The following GRIA4 variants were observed in gnomAD, a reference collection of about 807,000 sequenced individuals.
The protein encoded by GRIA4 is glutamate ionotropic receptor AMPA type subunit 4, also known as glutamate receptor 4.
In GRIA4, 34 loss-of-function variants were observed where a neutral mutation model predicts 104.0. The ratio of observed to expected loss-of-function variants is 0.33; its 90% confidence interval spans 0.25 to 0.44. GRIA4 has a LOEUF of 0.44. Ranked by LOEUF, GRIA4 falls within the 20% of genes least tolerant of loss-of-function variation. The pLI is 1.00. For missense variants in GRIA4, 750 were observed against 1,096.5 expected (o/e 0.68, Z 4.46); for synonymous variants, 386 against 381.9 (o/e 1.01, Z -0.13).
chr11:105,707,473 T>C (rs954840899), intron 3 of GRIA4: 1 of 152,154 alleles, frequency 6.6e-6, no homozygotes, highest in Non-Finnish European at 1.5e-5. Context: ...TTAAAATGAA[T>C]GAAAAGAAAG....
chr11:105,915,814 T>C (rs1947386570), intron 10 of GRIA4, among the ~76,000 whole-genome samples: 1 of 152,192 alleles, frequency 6.6e-6, no homozygotes, highest in South Asian at 2.1e-4. Context: ...AGATATTTCA[T>C]TAAGTCATAT....
rs971874517 is a variant in GRIA4, at chr11:105,894,858, G to A, written c.727-3411G>A. Among the ~76,000 whole-genome samples the A allele has an allele frequency of 1.1e-4, 11 of 101,462 alleles. 2 individuals are homozygous for A. Among genetic ancestry groups the A allele is most frequent in the Admixed American group, 8.0e-4 (7 of 8,742 alleles). The allele number at this position is 101,462 out of a possible 152,430, so 66.6% of individuals were successfully genotyped here. On this transcript the variant is annotated intron_variant, in intron 6 of 16. Transcript: ENST00000282499. ...CCCAGGCTGGACTGCGGACTGCAGTGGCGCAATCTCGGCTCACTGCAAGCT... is the reference window on the plus strand; with the variant it reads ...CCCAGGCTGGACTGCGGACTGCAGTAGCGCAATCTCGGCTCACTGCAAGCT...
intron 15 of GRIA4, among the ~76,000 whole-genome samples, chr11:105,973,409 A>G (rs1451854969): frequency 6.6e-6 from 1 of 152,074 alleles, no homozygotes; most frequent in Non-Finnish European, 1.5e-5. Context: ...GTATCTTCCA[A>G]TCATAAGAGT....
intron 3 of GRIA4, among the ~76,000 whole-genome samples, chr11:105,685,589 A>G (rs1038663847): frequency 6.6e-6 from 1 of 152,192 alleles, no homozygotes; most frequent in Non-Finnish European, 1.5e-5. Flanking sequence ...AATTACTTTA[A>G]TTATATAAAG....
intron 3 of GRIA4, among the ~76,000 whole-genome samples, chr11:105,641,820 G>A (rs1462639436): frequency 6.6e-6 from 1 of 152,090 alleles, no homozygotes; most frequent in Admixed American, 6.6e-5. Flanking sequence ...AGTTTGCCAG[G>A]GCTGTCATAA....
intron 15 of GRIA4, among the ~76,000 whole-genome samples, chr11:105,973,790 G>A (rs925846854): frequency 6.6e-6 from 1 of 152,082 alleles, no homozygotes; most frequent in Non-Finnish European, 1.5e-5. Flanking sequence ...GTAAATTAAT[G>A]ATGAACAAAA....
chr11:105,619,701 AGT>A (rs1420129148), intron 3 of GRIA4, among the ~76,000 whole-genome samples: 1 of 151,868 alleles, frequency 6.6e-6, no homozygotes, highest in Non-Finnish European at 1.5e-5. Context: ...ACTTGTGCAC[AGT>A]GTGTGTGTGT....
intron 4 of GRIA4, among the ~76,000 whole-genome samples, chr11:105,846,624 T>C (rs1944606589): frequency 6.6e-6 from 1 of 152,064 alleles, no homozygotes; most frequent in Non-Finnish European, 1.5e-5. Flanking sequence ...CAATGATAAC[T>C]GAATATAATA....
At position 105,652,263 on chromosome 11, in the gene GRIA4, G is replaced by A. The variant is rs73627611; in HGVS notation, c.247+39829G>A. ...TTGAAGCAGAGAAGAATAGAAGAAA[G>A]AAAATTAGAATTGTAGAAGATTAGA... is the stretch of plus-strand genomic sequence containing the variant. On this transcript the variant is annotated intron_variant, in intron 3 of 16. Coordinates refer to ENST00000282499, the MANE Select transcript of GRIA4 (RefSeq NM_000829.4). Among the ~76,000 whole-genome samples, 739 of 152,216 alleles carry A rather than the reference G, an allele frequency of 4.9e-3. 9 individuals carry two copies. The highest frequency in any genetic ancestry group is 0.017 in the African/African-American group (695 of 41,548).
intron 4 of GRIA4, among the ~76,000 whole-genome samples, chr11:105,840,614 GT>G (rs1400626478): frequency 6.6e-6 from 1 of 152,162 alleles, no homozygotes; most frequent in Non-Finnish European, 1.5e-5. Flanking sequence ...GACTTAAAAG[GT>G]TTGAGAAATG....
At chr11:105,687,950 G>T (rs955660599) in intron 3 of GRIA4, among the ~76,000 whole-genome samples, 7 of 152,012 alleles carry the variant, frequency 4.6e-5, no homozygotes, top group African/African-American at 1.5e-4. Flanking sequence ...ACCAATAGAT[G>T]ACTTTGTTTT....
intron 14 of GRIA4, among the ~76,000 whole-genome samples, chr11:105,952,514 G>T (rs780676367): frequency 5.3e-5 from 8 of 152,016 alleles, no homozygotes; most frequent in Non-Finnish European, 1.2e-4. Flanking sequence ...TAAGTTCCTG[G>T]GAGATATCCT....
chr11:105,762,755 T>C (rs1446051304), intron 4 of GRIA4, among the ~76,000 whole-genome samples: 1 of 152,182 alleles, frequency 6.6e-6, no homozygotes, highest in Admixed American at 6.6e-5. Flanking sequence ...TCTAGCCTCC[T>C]GCCATGTAAG....
At chr11:105,921,776 A>C (rs1212005089) in intron 11 of GRIA4, among the ~76,000 whole-genome samples, 1 of 152,170 alleles carries the variant, frequency 6.6e-6, no homozygotes, top group Non-Finnish European at 1.5e-5. Flanking sequence ...AAGTAAGTGA[A>C]AAGATGTGTT....
At chr11:105,953,121 G>C (rs1948495953) in intron 14 of GRIA4, among the ~76,000 whole-genome samples, 1 of 152,196 alleles carries the variant, frequency 6.6e-6, no homozygotes, top group African/African-American at 2.4e-5. Flanking sequence ...GTGGAGCATT[G>C]ATAATGCTGA....
At chr11:105,896,507 T>C (rs954717134) in intron 6 of GRIA4, among the ~76,000 whole-genome samples, 1 of 152,160 alleles carries the variant, frequency 6.6e-6, no homozygotes, top group African/African-American at 2.4e-5. Flanking sequence ...TCTAGGCCAA[T>C]ATCCAGAAGA....
chr11:105,816,451 G>A (rs778913803), intron 4 of GRIA4, among the ~76,000 whole-genome samples: 2 of 151,884 alleles, frequency 1.3e-5, no homozygotes, highest in African/African-American at 2.4e-5. Context: ...CTCACCCCTC[G>A]GTCTCTTGCT....
At chr11:105,685,202 G>A (rs1368766636) in intron 3 of GRIA4, among the ~76,000 whole-genome samples, 2 of 151,638 alleles carry the variant, frequency 1.3e-5, no homozygotes, top group Non-Finnish European at 2.9e-5. Flanking sequence ...AGGGAGGAAG[G>A]AAGGAAGGAA....
Position 105,746,990 on chromosome 11 carries a change from G to A in GRIA4, c.248-5991G>A, listed in dbSNP as rs183837515. On this transcript the variant is annotated intron_variant, in intron 3 of 16. Coordinates refer to ENST00000282499, the MANE Select transcript of GRIA4 (RefSeq NM_000829.4). ...AAAAATCTGTTCCCTGGCTCAAAGA[G>A]TAATCCTAAAAACTTCCTGGCTTCC... Among the ~76,000 whole-genome samples the A allele has an allele frequency of 2.0e-4, 31 of 152,246 alleles. 1 individual carries two copies. Among genetic ancestry groups the A allele is most frequent in the Middle Eastern group, 3.4e-3 (1 of 294 alleles).
Sources: allele counts gnomAD v4.1 joint callset (sites outside exome capture counted in the v4.1 genomes callset), GRCh38; gene constraint gnomAD v4.1.1; transcripts MANE v1.5; gene names NCBI Gene and HGNC (gene_info 2026-07-23, HGNC 2026-07-21).